SDCBP: variants seen among roughly 807,000 people sequenced by gnomAD.
SDCBP encodes syndecan binding protein.
SDCBP carries 22 observed loss-of-function variants against 30.5 expected under a neutral mutation model. The ratio of observed to expected loss-of-function variants is 0.72; its 90% CI spans 0.52 to 1.03. The LOEUF is 1.03. Among genes scored for constraint, SDCBP ranks in the 50% least tolerant of loss-of-function variants. The probability of loss-of-function intolerance (pLI) is 0.00; values close to 1 mark genes in which losing one functional copy is unlikely to be tolerated. For synonymous variants in SDCBP, 103 were observed against 118.7 expected, an observed-to-expected ratio of 0.87 and a Z score of 0.86; for missense variants, 304 against 369.9, an observed-to-expected ratio of 0.82 and a Z score of 1.46.
intron 3 of SDCBP, 41 bp downstream of exon 3, chr8:58,571,006 ATT>A: frequency 7.0e-7 from 1 of 1,418,934 alleles, no homozygotes; most frequent in Non-Finnish European, 9.9e-7. Flanking sequence ...GAACAGAAAT[ATT>A]GTTATCTTCT....
At chr8:58,579,962 G>A in intron 7 of SDCBP, 168 bp downstream of exon 7, 1 of 528,102 alleles carries the variant, frequency 1.9e-6, no homozygotes, top group Admixed American at 3.4e-5. Context: ...CTGTCATCTA[G>A]AACTACAGTT....
intron 1 of SDCBP, among the ~76,000 whole-genome samples, chr8:58,562,456 A>G (rs1184085345): frequency 6.6e-6 from 1 of 152,190 alleles, no homozygotes; most frequent in Non-Finnish European, 1.5e-5. Context: ...ATACAAATGT[A>G]CAGTACTCAA....
chr8:58,565,096 T>A lies in SDCBP; in HGVS notation c.51+12T>A. On this transcript the variant is annotated intron_variant, in intron 2 of 8. Transcript: ENST00000260130. ...ACAAAGTAATTCAGGTATGATAGTT[T>A]AAATACTTTTGTCAAAACAAACACA... 1 of 1,476,762 alleles carries A rather than the reference T, an allele frequency of 6.8e-7. No individual in the cohort carries two copies. The highest frequency in any genetic ancestry group is 9.3e-7 in the Non-Finnish European group (1 of 1,070,762). 91.5% of individuals were successfully genotyped at this position (1,476,762 alleles called of 1,614,324 possible). A position where few individuals can be genotyped will look rare whatever the true frequency, so the allele number is the denominator to read the frequency against.
At chr8:58,568,345 C>T (rs1446809174) in intron 2 of SDCBP, among the ~76,000 whole-genome samples, 1 of 152,144 alleles carries the variant, frequency 6.6e-6, no homozygotes, top group Non-Finnish European at 1.5e-5. Context: ...TGTCTTCCAC[C>T]TCCACATCAT....
At chr8:58,579,362 A>G (rs538293103) in intron 6 of SDCBP, among the ~76,000 whole-genome samples, 26 of 152,304 alleles carry the variant, frequency 1.7e-4, no homozygotes, top group Non-Finnish European at 3.7e-4. Flanking sequence ...CATATTGATA[A>G]AACCATATAA....
intron 2 of SDCBP, among the ~76,000 whole-genome samples, chr8:58,567,935 A>T (rs1804789749): frequency 6.6e-6 from 1 of 152,222 alleles, no homozygotes; most frequent in South Asian, 2.1e-4. Flanking sequence ...CCATGAATGG[A>T]GCTTCCAGGA....
chr8:58,580,028 T>C, intron 7 of SDCBP: 1 of 375,366 alleles, frequency 2.7e-6, no homozygotes, highest in Non-Finnish European at 4.7e-6. Flanking sequence ...ACTAGAATTC[T>C]GTGGAAATAT....
In SDCBP at chr8:58,573,923, C is replaced by T. The variant is rs957635308; in HGVS notation, c.240+1609C>T. ...AACAACAACAACTTTATAGTTTCTCCTTGAAAGATGAATTTCTTCATAAAA... is the reference window on the plus strand; with the variant it reads ...AACAACAACAACTTTATAGTTTCTCTTTGAAAGATGAATTTCTTCATAAAA... On this transcript the variant is annotated intron_variant, in intron 4 of 8. Coordinates refer to ENST00000260130, the MANE Select transcript of SDCBP (RefSeq NM_005625.4). Among the ~76,000 whole-genome samples the T allele has an allele frequency of 2.8e-4, 42 of 152,164 alleles. 1 individual carries two copies. The highest frequency in any genetic ancestry group is 9.9e-4 in the African/African-American group (41 of 41,426).
chr8:58,568,148 C>T (rs1804804046), intron 2 of SDCBP, among the ~76,000 whole-genome samples: 1 of 152,184 alleles, frequency 6.6e-6, no homozygotes, highest in South Asian at 2.1e-4. Flanking sequence ...CTTGTAATAA[C>T]ATAGTTTAAA....
chr8:58,567,791 T>C (rs1364321654), intron 2 of SDCBP, among the ~76,000 whole-genome samples: 1 of 152,186 alleles, frequency 6.6e-6, no homozygotes, highest in Non-Finnish European at 1.5e-5. Flanking sequence ...TATGATACAG[T>C]AATACTGCAT....
At chr8:58,571,249 A>G (rs959114978) in intron 3 of SDCBP, among the ~76,000 whole-genome samples, 1 of 152,200 alleles carries the variant, frequency 6.6e-6, no homozygotes, top group African/African-American at 2.4e-5. Flanking sequence ...AATGAATTAT[A>G]TATATGAATT....
intron 2 of SDCBP, among the ~76,000 whole-genome samples, chr8:58,566,319 C>A (rs1319464720): frequency 6.6e-6 from 1 of 152,158 alleles, no homozygotes; most frequent in Non-Finnish European, 1.5e-5. Context: ...AATGACTAAT[C>A]TGTTCTTTGT....
At chr8:58,577,908 C>G in intron 5 of SDCBP, 125 bp from the exon 6 acceptor site, 1 of 711,118 alleles carries the variant, frequency 1.4e-6, no homozygotes, top group Non-Finnish European at 2.3e-6. Context: ...TCCTTTTTTT[C>G]TTTTTCTTTC....
At chr8:58,565,308 C>T (rs567049057) in intron 2 of SDCBP, among the ~76,000 whole-genome samples, 3 of 150,104 alleles carry the variant, frequency 2.0e-5, no homozygotes, top group East Asian at 2.0e-4. Flanking sequence ...TTTTTTAATT[C>T]GACTTACACT....
At chr8:58,571,006 ATTG>A in intron 3 of SDCBP, 41 bp downstream of exon 3, 1 of 1,418,934 alleles carries the variant, frequency 7.0e-7, no homozygotes, top group South Asian at 1.2e-5. Context: ...GAACAGAAAT[ATTG>A]TTATCTTCTT....
intron 2 of SDCBP, among the ~76,000 whole-genome samples, chr8:58,570,302 T>C (rs1369562047): frequency 2.6e-5 from 4 of 152,196 alleles, no homozygotes; most frequent in Non-Finnish European, 5.9e-5. Flanking sequence ...AGTTACAAAT[T>C]ACATTACCTT....
intron 1 of SDCBP, chr8:58,561,419 G>A: frequency 5.5e-6 from 1 of 182,254 alleles, no homozygotes; most frequent in Non-Finnish European, 1.1e-5. Flanking sequence ...CATCTACATG[G>A]AAACACACTG....
Position 58,581,693 on chromosome 8 carries a change from C to T in SDCBP, c.850C>T (p.Pro284Ser). 6.2e-7 allele frequency: 1 copy of T among 1,611,982 alleles called. No homozygotes were observed. Among genetic ancestry groups the T allele is most frequent in the Non-Finnish European group, 8.5e-7 (1 of 1,178,374 alleles). ...AAAGTACCTCTCTTGTAGGATGGCA[C>T]CAAGCATTATGAAAAGCCTAATGGA... is the stretch of plus-strand genomic sequence containing the variant. ...IFEHIIKRMAPSIMKSLMDHT... is the reference protein window; with the variant it reads ...IFEHIIKRMASSIMKSLMDHT... The change falls in exon 9 of 9, where the codon CCA becomes TCA. Residue 284 changes from proline to serine, a missense_variant. Pro to Ser is a moderately conservative substitution (Grantham distance 74). Transcript: ENST00000260130.
rs746404793 is a variant in SDCBP at position 58,575,914 on chromosome 8, A to C, written c.255A>C (p.Arg85Ser). The change falls in exon 5 of 9, where the codon AGA becomes AGC. Residue 85 changes from arginine to serine, a missense_variant. Transcript: ENST00000260130. ...GAPLQGQLVARPSSINYMVAP... is the reference protein window; with the variant it reads ...GAPLQGQLVASPSSINYMVAP... ...GGTTTTGTCAGCAGTTGGTAGCAAG[A>C]CCTTCCAGTATAAACTATATGGTGG... 1 of 1,612,498 alleles carries C rather than the reference A, an allele frequency of 6.2e-7. No individual in the cohort carries two copies. The highest frequency in any genetic ancestry group is 8.5e-7 in the Non-Finnish European group (1 of 1,178,920).
Sources: allele counts gnomAD v4.1 joint callset (sites outside exome capture counted in the v4.1 genomes callset), GRCh38; gene constraint gnomAD v4.1.1; transcripts MANE v1.5; gene names NCBI Gene and HGNC (gene_info 2026-07-23, HGNC 2026-07-21).